The following DGLUCY variants were observed in gnomAD, a reference collection of about 807,000 sequenced individuals.
DGLUCY encodes the protein D-glutamate cyclase.
DGLUCY carries 58 observed loss-of-function variants against 58.5 expected under a neutral mutation model. The observed-to-expected ratio is 0.99, with a 90% CI of 0.80 to 1.23. DGLUCY has a LOEUF of 1.23. Ranked by LOEUF, DGLUCY falls within the 50% of genes most tolerant of loss-of-function variation. DGLUCY has a pLI of 0.00. For synonymous variants in DGLUCY, 325 were observed against 314.1 expected (o/e 1.03, Z -0.37); for missense variants, 779 against 784.7 (o/e 0.99, Z 0.09).
intron 10 of DGLUCY, 143 bp downstream of exon 10, chr14:91,196,617 GA>G: frequency 1.5e-6 from 1 of 666,752 alleles, no homozygotes; most frequent in Non-Finnish European, 2.6e-6. Context: ...TCATGGACCA[GA>G]CTAACAAATG....
At chr14:91,143,130 C>G (rs1215587034) in intron 1 of DGLUCY, among the ~76,000 whole-genome samples, 4 of 149,892 alleles carry the variant, frequency 2.7e-5, no homozygotes, top group Non-Finnish European at 5.9e-5. Context: ...GAGTCTTGCT[C>G]TGTCGCCCAG....
chr14:91,223,240 TG>T (rs968457562), intron 13 of DGLUCY, among the ~76,000 whole-genome samples: 1 of 152,152 alleles, frequency 6.6e-6, no homozygotes, highest in Non-Finnish European at 1.5e-5. Flanking sequence ...GTGAACCCCA[TG>T]GGGGCAGGAA....
chr14:91,162,734 T>A (rs1317436946), intron 3 of DGLUCY, among the ~76,000 whole-genome samples: 1 of 151,880 alleles, frequency 6.6e-6, no homozygotes, highest in African/African-American at 2.4e-5. Flanking sequence ...CCATCTATAC[T>A]AAAAATATAA....
At chr14:91,095,769 C>T (rs1246381352) in intron 1 of DGLUCY, among the ~76,000 whole-genome samples, 1 of 152,116 alleles carries the variant, frequency 6.6e-6, no homozygotes, top group Non-Finnish European at 1.5e-5. Flanking sequence ...TGGTACTCTC[C>T]GTTGGCCCAC....
intron 5 of DGLUCY, among the ~76,000 whole-genome samples, chr14:91,171,393 A>AC (rs2048568003): frequency 2.0e-5 from 3 of 152,168 alleles, no homozygotes; most frequent in Non-Finnish European, 4.4e-5. Flanking sequence ...GGCTTCACTG[A>AC]CCCCGATGCT....
At chr14:91,103,420 C>T (rs1011901453), upstream of DGLUCY, among the ~76,000 whole-genome samples, 3 of 152,164 alleles carry the variant, frequency 2.0e-5, no homozygotes, top group Non-Finnish European at 4.4e-5. Flanking sequence ...CCGTCTCCAT[C>T]CCAGCTCTGC....
At chr14:91,103,219 A>G (rs768211060), upstream of DGLUCY, among the ~76,000 whole-genome samples, 1 of 152,140 alleles carries the variant, frequency 6.6e-6, no homozygotes, top group Non-Finnish European at 1.5e-5. Context: ...CACGCACTCC[A>G]TGCTGCTCCC....
intron 1 of DGLUCY, among the ~76,000 whole-genome samples, chr14:91,078,622 G>T (rs1372917238): frequency 6.6e-6 from 1 of 152,158 alleles, no homozygotes; most frequent in Non-Finnish European, 1.5e-5. Context: ...GCAGTTGTTA[G>T]AAAATAGCGT....
intron 1 of DGLUCY, among the ~76,000 whole-genome samples, chr14:91,088,369 A>G (rs184533415): frequency 2.0e-5 from 3 of 152,258 alleles, no homozygotes; most frequent in South Asian, 2.1e-4. Flanking sequence ...TTATAAGAAT[A>G]CTTTTCTTTC....
intron 6 of DGLUCY, among the ~76,000 whole-genome samples, chr14:91,174,478 G>A (rs2048750135): frequency 6.6e-6 from 1 of 151,992 alleles, no homozygotes; most frequent in African/African-American, 2.4e-5. Flanking sequence ...GCTAATTTTT[G>A]TATTTTTAGT....
intron 9 of DGLUCY, among the ~76,000 whole-genome samples, chr14:91,194,253 C>G (rs2050074559): frequency 6.6e-6 from 1 of 152,182 alleles, no homozygotes; most frequent in Admixed American, 6.6e-5. Context: ...GCTGACATAG[C>G]TTGCCCAAGG....
At chr14:91,167,713 C>T (rs1484139889) in intron 4 of DGLUCY, 2 of 699,766 alleles carry the variant, frequency 2.9e-6, no homozygotes, top group African/African-American at 1.8e-5. Flanking sequence ...AAAACACTTG[C>T]ATTACCAACA....
At position 91,199,787 on chromosome 14, in the gene DGLUCY, C is replaced by T. The variant is rs28481732; in HGVS notation, c.1326C>T (p.Ala442=). The T allele has an allele frequency of 0.014, 21,909 of 1,614,072 alleles. 301 individuals carry two copies. Among genetic ancestry groups the T allele is most frequent in the African/African-American group, 0.054 (4,056 of 75,006 alleles). The change falls in exon 11 of 14, where the codon GCC becomes GCT. Residue 442 remains alanine, a synonymous_variant. Coordinates refer to ENST00000256324, the MANE Select transcript of DGLUCY (RefSeq NM_001102368.3). ...RFDHLVAIER[A]GRAADGNYYN... ...ACCACCTGGTGGCCATAGAGCGTGC[C>T]GGAAGAGCTGCTGATGGCAATTACT...
chr14:91,161,473 G>A (rs906421439), intron 3 of DGLUCY, among the ~76,000 whole-genome samples: 2 of 152,230 alleles, frequency 1.3e-5, no homozygotes, highest in Admixed American at 1.3e-4. Context: ...TGTGGTGTCT[G>A]TTGGGGATAG....
chr14:91,094,493 C>T (rs1300125571), intron 1 of DGLUCY, among the ~76,000 whole-genome samples: 1 of 150,682 alleles, frequency 6.6e-6, no homozygotes. Flanking sequence ...GCAGAGGTGA[C>T]CATGCAGACA....
rs945866986 is a variant in DGLUCY at position 91,202,214 on chromosome 14, G to A, written c.1444+2309G>A. Reference sequence around the variant, plus strand: ...GTCCCAGGAGGTTTTCCCAGATGGCGCAGCTAATTAGTGTTGCTGGTAGCA... The same window carrying A: ...GTCCCAGGAGGTTTTCCCAGATGGCACAGCTAATTAGTGTTGCTGGTAGCA... On this transcript the variant is annotated intron_variant, in intron 11 of 13. Transcript: ENST00000256324. Among the ~76,000 whole-genome samples, 6 of 152,242 alleles carry A rather than the reference G, an allele frequency of 3.9e-5. No individual in the cohort carries two copies. In the East Asian group the frequency reaches 7.7e-4, roughly 20 times the overall value.
intron 1 of DGLUCY, among the ~76,000 whole-genome samples, chr14:91,096,872 G>C (rs1423859052): frequency 6.6e-6 from 1 of 152,168 alleles, no homozygotes; most frequent in Non-Finnish European, 1.5e-5. Flanking sequence ...TACTGAGCTC[G>C]CACTGGGAAA....
chr14:91,149,382 C>G (rs2047189197), intron 1 of DGLUCY, among the ~76,000 whole-genome samples: 1 of 152,202 alleles, frequency 6.6e-6, no homozygotes, highest in Non-Finnish European at 1.5e-5. Flanking sequence ...GGCAAATTCT[C>G]TCCCAGTGAT....
At chr14:91,153,944 C>T (rs2047467670) in intron 1 of DGLUCY, among the ~76,000 whole-genome samples, 1 of 152,172 alleles carries the variant, frequency 6.6e-6, no homozygotes. Flanking sequence ...CTCACTCTGT[C>T]ACCCAGGCTG....
Sources: allele counts gnomAD v4.1 joint callset (sites outside exome capture counted in the v4.1 genomes callset), GRCh38; gene constraint gnomAD v4.1.1; transcripts MANE v1.5; gene names NCBI Gene and HGNC (gene_info 2026-07-23, HGNC 2026-07-21).